WDR64: variants seen among roughly 807,000 people sequenced by gnomAD.
WDR64 encodes WD repeat-containing protein 64.
In WDR64, 112 loss-of-function variants were observed where a neutral mutation model predicts 139.3. The ratio of observed to expected loss-of-function variants is 0.80; its 90% CI spans 0.69 to 0.94. The LOEUF (loss-of-function observed/expected upper bound fraction) is 0.94. Ranked by LOEUF, WDR64 falls within the 40% of genes least tolerant of loss-of-function variation. WDR64 has a pLI of 0.00. For missense variants in WDR64, 1,206 were observed against 1,293.1 expected (o/e 0.93, Z 1.03); for synonymous variants, 444 against 437.7 (o/e 1.01, Z -0.18).
At chr1:241,702,680 C>A (rs1048033280) in intron 8 of WDR64, among the ~76,000 whole-genome samples, 1 of 152,176 alleles carries the variant, frequency 6.6e-6, no homozygotes, top group Non-Finnish European at 1.5e-5. Context: ...GTTTTTATAA[C>A]ATCTGCAAAC....
At chr1:241,770,801 G>A in intron 18 of WDR64, 111 bp downstream of exon 18, 4 of 949,746 alleles carry the variant, frequency 4.2e-6, no homozygotes, top group Non-Finnish European at 6.1e-6. Context: ...AACAGTGGAA[G>A]AATTCTGTGT....
chr1:241,797,024 G>A (rs1341928017), intron 27 of WDR64, among the ~76,000 whole-genome samples: 1 of 152,154 alleles, frequency 6.6e-6, no homozygotes, highest in Non-Finnish European at 1.5e-5. Flanking sequence ...TCTTAATTTG[G>A]TTGTACCTAC....
chr1:241,785,307 C>T (rs1374891915), intron 23 of WDR64, among the ~76,000 whole-genome samples: 2 of 152,102 alleles, frequency 1.3e-5, no homozygotes, highest in Admixed American at 6.6e-5. Context: ...AAGATCAAGG[C>T]GCTGGCAGAT....
At chr1:241,655,541 T>A (rs536613786) in intron 1 of WDR64, among the ~76,000 whole-genome samples, 1 of 152,296 alleles carries the variant, frequency 6.6e-6, no homozygotes, top group East Asian at 1.9e-4. Context: ...GCATGCAAGG[T>A]CATTCACAGC....
chr1:241,758,171 G>A (rs1017026000), intron 15 of WDR64, among the ~76,000 whole-genome samples: 1 of 152,090 alleles, frequency 6.6e-6, no homozygotes, highest in Non-Finnish European at 1.5e-5. Flanking sequence ...TGTTATTTAA[G>A]AAGTTCCGCT....
intron 1 of WDR64, among the ~76,000 whole-genome samples, chr1:241,657,181 G>A (rs890457122): frequency 1.3e-5 from 2 of 151,998 alleles, no homozygotes; most frequent in African/African-American, 4.8e-5. Context: ...AGGCATAAAC[G>A]AGACTTTCCA....
At chr1:241,728,976 G>A (rs1483497019) in intron 10 of WDR64, among the ~76,000 whole-genome samples, 1 of 152,100 alleles carries the variant, frequency 6.6e-6, no homozygotes, top group African/African-American at 2.4e-5. Flanking sequence ...GATTGTGAGT[G>A]TGCATATCTT....
At chr1:241,723,160 A>G in intron 9 of WDR64, 137 bp from the exon 10 acceptor site, 1 of 1,155,896 alleles carries the variant, frequency 8.7e-7, no homozygotes, top group South Asian at 1.7e-5. Flanking sequence ...CACATCAATC[A>G]CAGAATAATG....
chr1:241,789,503 TAAAG>T (rs1219035598), intron 24 of WDR64, among the ~76,000 whole-genome samples: 1 of 152,086 alleles, frequency 6.6e-6, no homozygotes, highest in African/African-American at 2.4e-5. Context: ...GTAGACTGGA[TAAAG>T]AAAGTGTGGT....
chr1:241,730,217 G>A (rs115433697), intron 10 of WDR64, among the ~76,000 whole-genome samples: 105 of 152,268 alleles, frequency 6.9e-4, no homozygotes, highest in African/African-American at 2.5e-3. Flanking sequence ...CATCACCCAG[G>A]ACAGCTCCTT....
At chr1:241,760,901 G>A (rs1657838779) in intron 15 of WDR64, among the ~76,000 whole-genome samples, 1 of 151,634 alleles carries the variant, frequency 6.6e-6, no homozygotes, top group South Asian at 2.1e-4. Flanking sequence ...GAGTAGCTGG[G>A]ATTACAGGCG....
intron 1 of WDR64, among the ~76,000 whole-genome samples, chr1:241,657,567 A>T (rs1426705347): frequency 4.6e-5 from 7 of 152,060 alleles, no homozygotes; most frequent in Admixed American, 2.0e-4. Flanking sequence ...GCCTCTGCCT[A>T]AAAGGCTCTT....
At chr1:241,713,127 T>G (rs961824141) in intron 9 of WDR64, among the ~76,000 whole-genome samples, 3 of 149,768 alleles carry the variant, frequency 2.0e-5, no homozygotes, top group South Asian at 4.2e-4. Flanking sequence ...GGCAATACAG[T>G]AAGACCTTGT....
At chr1:241,695,356 A>G (rs571094429) in intron 8 of WDR64, among the ~76,000 whole-genome samples, 1 of 152,282 alleles carries the variant, frequency 6.6e-6, no homozygotes, top group African/African-American at 2.4e-5. Flanking sequence ...GAGATGTCAC[A>G]TTGGTAATTT....
intron 25 of WDR64, among the ~76,000 whole-genome samples, chr1:241,791,471 A>G (rs1174081387): frequency 6.6e-6 from 1 of 152,200 alleles, no homozygotes; most frequent in Non-Finnish European, 1.5e-5. Flanking sequence ...GTTCAAGACC[A>G]GTCTAGGCAA....
At chr1:241,732,290 C>A (rs1669112168) in intron 10 of WDR64, among the ~76,000 whole-genome samples, 1 of 150,048 alleles carries the variant, frequency 6.7e-6, no homozygotes, top group Admixed American at 6.7e-5. Flanking sequence ...TCAAGTGTTT[C>A]TTACAATGCA....
chr1:241,795,153 T>C (rs1659326505), intron 25 of WDR64, 54 bp from the exon 26 acceptor site: 5 of 1,512,544 alleles, frequency 3.3e-6, no homozygotes, highest in East Asian at 4.5e-5. Context: ...CCAGGTATTT[T>C]ACCAGTGATA....
intron 14 of WDR64, among the ~76,000 whole-genome samples, chr1:241,754,894 T>C (rs1392541505): frequency 6.6e-6 from 1 of 152,228 alleles, no homozygotes; most frequent in Non-Finnish European, 1.5e-5. Context: ...GCAAAGGACA[T>C]GAACTCATTC....
intron 14 of WDR64, among the ~76,000 whole-genome samples, chr1:241,756,042 C>A (rs1036187949): frequency 6.6e-6 from 1 of 152,042 alleles, no homozygotes; most frequent in African/African-American, 2.4e-5. Context: ...CATGGCTATA[C>A]GGGCTCTTTT....
Sources: allele counts gnomAD v4.1 joint callset (sites outside exome capture counted in the v4.1 genomes callset), GRCh38; gene constraint gnomAD v4.1.1; transcripts MANE v1.5; gene names NCBI Gene and HGNC (gene_info 2026-07-23, HGNC 2026-07-21).